Variants in AK9 observed in about 807,000 individuals in gnomAD.
AK9 encodes the protein adenylate kinase domain containing 1.
In AK9, 191 loss-of-function variants were observed where a neutral mutation model predicts 239.6. The observed-to-expected ratio is 0.80, with a 90% CI of 0.71 to 0.90. The LOEUF is 0.90. Ranked by LOEUF, AK9 falls within the 40% of genes least tolerant of loss-of-function variation. The pLI is 0.00. For synonymous variants in AK9, 689 were observed against 721.0 expected (o/e 0.96, Z 0.71); for missense variants, 1,995 against 2,214.7 (o/e 0.90, Z 1.99).
At chr6:109,551,468 G>A (rs1055904416) in intron 24 of AK9, among the ~76,000 whole-genome samples, 15 of 149,072 alleles carry the variant, frequency 1.0e-4, no homozygotes, top group Non-Finnish European at 8.9e-5. Flanking sequence ...GCAGTGAGCC[G>A]AGATGGCACA....
At chr6:109,691,007 T>C in intron 1 of AK9, 140 bp downstream of exon 1, 1 of 250,452 alleles carries the variant, frequency 4.0e-6, no homozygotes, top group Non-Finnish European at 8.1e-6. Flanking sequence ...CAAGGATCTA[T>C]CCTGCAACTC....
At chr6:109,515,219 T>C (rs956024642) in intron 31 of AK9, among the ~76,000 whole-genome samples, 1 of 152,212 alleles carries the variant, frequency 6.6e-6, no homozygotes, top group Admixed American at 6.5e-5. Context: ...TTTAGAGGTA[T>C]ACTAGTAGGG....
At chr6:109,672,852 T>C (rs568141730) in intron 3 of AK9, among the ~76,000 whole-genome samples, 1 of 152,334 alleles carries the variant, frequency 6.6e-6, no homozygotes, top group Non-Finnish European at 1.5e-5. Flanking sequence ...TACAAAAGTA[T>C]GCACTGGTAT....
At chr6:109,508,862 G>A (rs1262722761) in intron 33 of AK9, among the ~76,000 whole-genome samples, 1 of 152,182 alleles carries the variant, frequency 6.6e-6, no homozygotes, top group African/African-American at 2.4e-5. Context: ...AACTTCATGG[G>A]GCAGTGAGAA....
rs138752695 is a variant in AK9, at chr6:109,665,745, T to C, written c.332-3082A>G. On this transcript the variant is annotated intron_variant, in intron 5 of 40. Coordinates refer to ENST00000424296, the MANE Select transcript of AK9 (RefSeq NM_001145128.3). ...CCAAGTTAGACAGTTCCAGAGACCATCTATCTCCAGAGTCCTTGCCCTTGC... is the reference window on the plus strand; with the variant it reads ...CCAAGTTAGACAGTTCCAGAGACCACCTATCTCCAGAGTCCTTGCCCTTGC... Among the ~76,000 whole-genome samples, 7 of 152,300 alleles carry C rather than the reference T, an allele frequency of 4.6e-5. No homozygotes were observed. In the East Asian group the frequency reaches 7.7e-4, roughly 17 times the overall value.
At chr6:109,536,200 T>C (rs1781967257) in intron 27 of AK9, among the ~76,000 whole-genome samples, 1 of 152,178 alleles carries the variant, frequency 6.6e-6, no homozygotes, top group African/African-American at 2.4e-5. Flanking sequence ...CCTTGGGCAA[T>C]ATGGCCATTT....
In AK9 at chr6:109,497,362, A is replaced by ACTCTCTCTCT. The variant is rs761117338; in HGVS notation, c.5315+93_5315+102dup. 3,309 of 497,518 alleles carry ACTCTCTCTCT rather than the reference A, an allele frequency of 6.7e-3. 33 individuals carry two copies. The highest frequency in any genetic ancestry group is 7.3e-3 in the Non-Finnish European group (2,005 of 276,408). The allele number at this position is 497,518 out of a possible 1,614,324, so 30.8% of individuals were successfully genotyped here. A position where few individuals can be genotyped will look rare whatever the true frequency, so the allele number is the denominator to read the frequency against. On this transcript the variant is annotated intron_variant, in intron 38 of 40. Transcript: ENST00000424296. ...CACACACACACACACACACACACAC[A>ACTCTCTCTCT]CTCTCTCTCTCTCTCTCTCTCTCAC...
chr6:109,580,141 T>C (rs973009152), intron 19 of AK9, among the ~76,000 whole-genome samples: 3 of 152,178 alleles, frequency 2.0e-5, no homozygotes, highest in Admixed American at 6.5e-5. Flanking sequence ...ATTTTTTCTA[T>C]ATTGAATAAG....
At chr6:109,622,837 T>A (rs1055593068) in intron 12 of AK9, among the ~76,000 whole-genome samples, 2 of 151,902 alleles carry the variant, frequency 1.3e-5, no homozygotes, top group Non-Finnish European at 2.9e-5. Flanking sequence ...TAAAACAGAA[T>A]TGGCAGTTCA....
chr6:109,666,200 T>C (rs1801172169), intron 5 of AK9, among the ~76,000 whole-genome samples: 1 of 152,124 alleles, frequency 6.6e-6, no homozygotes, highest in Non-Finnish European at 1.5e-5. Context: ...GGAGGAGGTG[T>C]GGGATAGACA....
intron 6 of AK9, among the ~76,000 whole-genome samples, chr6:109,659,856 T>C (rs1040937954): frequency 6.6e-6 from 1 of 152,214 alleles, no homozygotes; most frequent in African/African-American, 2.4e-5. Context: ...TACAGCTTTA[T>C]GGGTGAGGTG....
At chr6:109,622,318 CATATAT>C (rs1360267476) in intron 12 of AK9, among the ~76,000 whole-genome samples, 3 of 142,088 alleles carry the variant, frequency 2.1e-5, no homozygotes, top group Non-Finnish European at 4.5e-5. Context: ...CATACATGTA[CATATAT>C]GTATATGTAT....
Position 109,506,325 on chromosome 6 carries a change from AC to A in AK9, c.4849+1del. 6.2e-7 allele frequency: 1 copy of A among 1,612,322 alleles called. No homozygotes were observed. Among genetic ancestry groups the A allele is most frequent in the African/African-American group, 1.3e-5 (1 of 74,990 alleles). ...ATTCTACCTTAAAAAGTGCTATCTT[AC>A]CTGCTTTTATTCTTTCCAGGTATGT... On this transcript the variant is annotated splice_donor_variant, in intron 35 of 40. Coordinates refer to ENST00000424296, the MANE Select transcript of AK9 (RefSeq NM_001145128.3). LOFTEE classifies it high-confidence loss of function.
intron 33 of AK9, 138 bp downstream of exon 33, chr6:109,509,041 G>A: frequency 1.1e-6 from 1 of 924,924 alleles, no homozygotes; most frequent in Non-Finnish European, 1.6e-6. Context: ...TAACCATATA[G>A]GTGCCCAGAG....
rs780429548 is a variant in AK9 at position 109,509,320 on chromosome 6, C to T, written c.4340G>A (p.Arg1447His). The T allele has an allele frequency of 1.5e-5, 23 of 1,551,574 alleles. No individual in the cohort carries two copies. The highest frequency in any genetic ancestry group is 5.9e-5 in the South Asian group (5 of 84,066). Residue 1447 changes from arginine (R) to histidine (H), a missense_variant, in exon 33 of 41, where the codon CGT becomes CAT. Transcript: ENST00000424296. ...TTCCGGGTGATTGTTTAGTACATAACGCAAAGCTCCTCCTATTGATAAATG... is the reference window on the plus strand; with the variant it reads ...TTCCGGGTGATTGTTTAGTACATAATGCAAAGCTCCTCCTATTGATAAATG... ...LKHLSIGGAL[R>H]YVLNNHPETE...
chr6:109,598,794 T>A (rs148348461), intron 17 of AK9, among the ~76,000 whole-genome samples: 3,145 of 152,316 alleles, frequency 0.021, 83 homozygotes, highest in East Asian at 0.11. Flanking sequence ...TATCTCATTG[T>A]GGTTTTGATT....
Position 109,516,417 on chromosome 6 carries a change from G to A in AK9, c.3846+13C>T. ...TACTTTTGAATTATAAAAAGCAAAG[G>A]AAAAGTAATAACCTGTATTATTTGT... On this transcript the variant is annotated intron_variant, in intron 30 of 40. Coordinates refer to ENST00000424296, the MANE Select transcript of AK9 (RefSeq NM_001145128.3). The A allele has an allele frequency of 6.5e-7, 1 of 1,540,910 alleles. No individual in the cohort carries two copies. Among genetic ancestry groups the A allele is most frequent in the East Asian group, 2.4e-5 (1 of 40,836 alleles).
chr6:109,517,508 C>T (rs1028214180), intron 29 of AK9, among the ~76,000 whole-genome samples: 4 of 152,262 alleles, frequency 2.6e-5, no homozygotes, highest in Non-Finnish European at 5.9e-5. Context: ...TTAACTGGGA[C>T]AAGATGTTTC....
intron 29 of AK9, among the ~76,000 whole-genome samples, chr6:109,521,412 CTG>C (rs1779851265): frequency 1.3e-5 from 2 of 151,826 alleles, no homozygotes; most frequent in African/African-American, 4.8e-5. Context: ...CTCCAAATCT[CTG>C]TTTTATTGAG....
Sources: gnomAD v4.1 joint callset for allele counts (sites outside exome capture counted in the v4.1 genomes callset) on GRCh38, gnomAD v4.1.1 for gene constraint, MANE v1.5 for transcripts, NCBI Gene and HGNC (gene_info 2026-07-23, HGNC 2026-07-21) for gene names.